The following PLCL2 variants were observed in gnomAD, a reference collection of about 807,000 sequenced individuals.
PLCL2 encodes inactive phospholipase C-like protein 2.
A neutral mutation model predicts 79.6 loss-of-function variants in PLCL2; 4 were observed. The ratio of observed to expected loss-of-function variants is 0.05; its 90% CI spans 0.02 to 0.11. The LOEUF (loss-of-function observed/expected upper bound fraction) is 0.11. Ranked by LOEUF, PLCL2 falls within the 10% of genes least tolerant of loss-of-function variation. PLCL2 has a pLI of 1.00. For missense variants in PLCL2, 895 were observed against 1,291.0 expected, an observed-to-expected ratio of 0.69 and a Z score of 4.70; for synonymous variants, 484 against 457.7, an observed-to-expected ratio of 1.06 and a Z score of -0.73.
At chr3:17,056,711 A>G (rs1053188377) in intron 4 of PLCL2, among the ~76,000 whole-genome samples, 1 of 152,194 alleles carries the variant, frequency 6.6e-6, no homozygotes, top group Non-Finnish European at 1.5e-5. Flanking sequence ...TTATTATACT[A>G]ATTACTTATT....
intron 4 of PLCL2, among the ~76,000 whole-genome samples, chr3:17,061,119 T>G (rs2064948676): frequency 6.6e-6 from 1 of 152,204 alleles, no homozygotes; most frequent in Non-Finnish European, 1.5e-5. Context: ...TTCATATCAT[T>G]TAGATTGGTA....
chr3:17,012,115 C>G lies in PLCL2; in HGVS notation c.2769C>G (p.Ala923=), dbSNP rs2124890482. The G allele has an allele frequency of 6.2e-7, 1 of 1,614,074 alleles. No homozygotes were observed. The highest frequency in any genetic ancestry group is 1.1e-5 in the South Asian group (1 of 91,064). ...IKTVDEVFKN[A]QPPIRDATDL... ...CCGTGGATGAGGTATTCAAGAATGC[C>G]CAGCCCCCTATACGGGATGCCACAG... The change falls in exon 2 of 6, where the codon GCC becomes GCG. Residue 923 remains alanine, a synonymous_variant. Coordinates refer to ENST00000615277, the MANE Select transcript of PLCL2 (RefSeq NM_001144382.2).
At chr3:17,059,485 TGA>T (rs1436393834) in intron 4 of PLCL2, among the ~76,000 whole-genome samples, 2 of 151,728 alleles carry the variant, frequency 1.3e-5, no homozygotes, top group Non-Finnish European at 2.9e-5. Context: ...TCTGTATATA[TGA>T]GTGTATATGT....
At chr3:16,992,934 G>C (rs1398040773) in intron 1 of PLCL2, among the ~76,000 whole-genome samples, 2 of 152,222 alleles carry the variant, frequency 1.3e-5, no homozygotes, top group African/African-American at 4.8e-5. Flanking sequence ...CAAGCAGGTA[G>C]AAGTGGGTTC....
At chr3:16,912,827 C>G (rs186505715) in intron 1 of PLCL2, among the ~76,000 whole-genome samples, 99 of 152,266 alleles carry the variant, frequency 6.5e-4, no homozygotes, top group Middle Eastern at 3.4e-3. Flanking sequence ...GAACAAAACG[C>G]TTTTTGAGAC....
At chr3:16,943,844 C>T (rs1185840445) in intron 1 of PLCL2, among the ~76,000 whole-genome samples, 1 of 152,108 alleles carries the variant, frequency 6.6e-6, no homozygotes, top group African/African-American at 2.4e-5. Flanking sequence ...TAATTAAGGT[C>T]TCTTCTAGGT....
chr3:17,035,717 A>G, intron 3 of PLCL2: 2 of 506,872 alleles, frequency 3.9e-6, no homozygotes, highest in African/African-American at 1.9e-5. Context: ...AGAAGTTTAT[A>G]TCTTATCCAA....
intron 1 of PLCL2, among the ~76,000 whole-genome samples, chr3:16,901,018 A>C (rs75885714): frequency 0.048 from 7,259 of 152,308 alleles, 240 homozygotes; most frequent in Admixed American, 0.11. Context: ...TTCTTCTGTG[A>C]AAGGAACTGA....
chr3:17,053,230 G>A (rs1375922411), intron 4 of PLCL2, among the ~76,000 whole-genome samples: 1 of 152,188 alleles, frequency 6.6e-6, no homozygotes, highest in Non-Finnish European at 1.5e-5. Context: ...CTCAGCTTCT[G>A]TGTAGGTCTC....
In PLCL2 at chr3:17,089,932, T is replaced by G. The variant is rs1264501760; in HGVS notation, c.*20T>G. 2 of 1,606,754 alleles carry G rather than the reference T, an allele frequency of 1.2e-6. No individual in the cohort carries two copies. The highest frequency in any genetic ancestry group is 1.7e-6 in the Non-Finnish European group (2 of 1,176,714). ...GAATGAGGAAACTTACAATAAACCATTATGGAGTTTATAACTCTAGGACCA... is the reference window on the plus strand; with the variant it reads ...GAATGAGGAAACTTACAATAAACCAGTATGGAGTTTATAACTCTAGGACCA... On this transcript the variant is annotated 3_prime_UTR_variant, in exon 6 of 6. Transcript: ENST00000615277.
chr3:17,021,629 CA>C (rs1267918540), intron 3 of PLCL2, among the ~76,000 whole-genome samples: 144 of 143,594 alleles, frequency 1.0e-3, no homozygotes, highest in East Asian at 3.5e-3. Context: ...CACACACACA[CA>C]CCCCAGATAC....
At chr3:16,971,349 G>T (rs1361023306) in intron 1 of PLCL2, among the ~76,000 whole-genome samples, 1 of 152,046 alleles carries the variant, frequency 6.6e-6, no homozygotes, top group South Asian at 2.1e-4. Flanking sequence ...TTTTTGTCAG[G>T]TTTGTCAAAG....
chr3:16,995,542 C>T (rs1467700820), intron 1 of PLCL2, among the ~76,000 whole-genome samples: 1 of 152,204 alleles, frequency 6.6e-6, no homozygotes, highest in African/African-American at 2.4e-5. Flanking sequence ...AGTCTCTTTA[C>T]TACCCCAAAT....
chr3:17,001,870 T>C (rs765476282), intron 1 of PLCL2, among the ~76,000 whole-genome samples: 30 of 136,384 alleles, frequency 2.2e-4, no homozygotes, highest in Non-Finnish European at 4.6e-4. Flanking sequence ...AATGTTAGGA[T>C]TTTTTTTTTT....
rs183157766 is a variant in PLCL2, at chr3:17,050,242, T to C, written c.3094+7293T>C. 3.9e-5 allele frequency among the ~76,000 whole-genome samples: 6 copies of C among 152,240 alleles called. No homozygotes were observed. In the East Asian group the frequency reaches 1.2e-3, roughly 29 times the overall value. ...ACTGCAAGAAAACATTGGGGAAACT[T>C]TCCAGGCATTGGATTAGGCAACGAT... is the stretch of plus-strand genomic sequence containing the variant. On this transcript the variant is annotated intron_variant, in intron 4 of 5. Transcript: ENST00000615277.
chr3:16,946,677 TTTG>T (rs1205846469), intron 1 of PLCL2, among the ~76,000 whole-genome samples: 1 of 152,124 alleles, frequency 6.6e-6, no homozygotes, highest in East Asian at 1.9e-4. Flanking sequence ...TGTTTTAAAT[TTTG>T]TTTTGTTTTT....
rs1157468333 is a variant in PLCL2 at position 16,887,594 on chromosome 3, A to G, written c.327+2228A>G. 6.6e-6 allele frequency among the ~76,000 whole-genome samples: 1 copy of G among 152,210 alleles called. No homozygotes were observed. The highest frequency in any genetic ancestry group is 1.5e-5 in the Non-Finnish European group (1 of 68,028). ...GGATGCTATATTTAAATAGGTAACTACTTGGTATATTTCCCTTTGAATTGG... is the reference window on the plus strand; with the variant it reads ...GGATGCTATATTTAAATAGGTAACTGCTTGGTATATTTCCCTTTGAATTGG... On this transcript the variant is annotated intron_variant, in intron 1 of 5. Coordinates refer to ENST00000615277, the MANE Select transcript of PLCL2 (RefSeq NM_001144382.2). The surrounding 1 kb of genome is among the most constrained non-coding windows in gnomAD (Gnocchi z 4.1).
intron 1 of PLCL2, among the ~76,000 whole-genome samples, chr3:16,975,191 G>A (rs2063911803): frequency 6.6e-6 from 1 of 152,234 alleles, no homozygotes; most frequent in Non-Finnish European, 1.5e-5. Context: ...CTAAGGCAGA[G>A]ATAGAAAGAT....
At chr3:17,056,286 C>A (rs866134807) in intron 4 of PLCL2, among the ~76,000 whole-genome samples, 2 of 152,100 alleles carry the variant, frequency 1.3e-5, no homozygotes, top group African/African-American at 2.4e-5. Flanking sequence ...AAATGAATCA[C>A]CTTTCTCATA....
Sources: allele counts gnomAD v4.1 joint callset (sites outside exome capture counted in the v4.1 genomes callset), GRCh38; gene constraint gnomAD v4.1.1; non-coding constraint Gnocchi (gnomAD v3.1); transcripts MANE v1.5; gene names NCBI Gene and HGNC (gene_info 2026-07-23, HGNC 2026-07-21).